CASR: variants seen among roughly 807,000 people sequenced by gnomAD.
The protein encoded by CASR is extracellular calcium-sensing receptor.
Under a neutral mutation model 69.1 loss-of-function variants are expected in CASR, and 23 were observed. That is an observed-to-expected ratio of 0.33 (90% CI 0.24 to 0.47). The LOEUF is 0.47. Among genes scored for constraint, CASR ranks in the 20% least tolerant of loss-of-function variants. The probability of loss-of-function intolerance (pLI) is 1.00; values close to 1 mark genes in which losing one functional copy is unlikely to be tolerated. For missense variants in CASR, 924 were observed against 1,356.1 expected (o/e 0.68, Z 5.00); for synonymous variants, 541 against 544.7 (o/e 0.99, Z 0.10).
intron 1 of CASR, among the ~76,000 whole-genome samples, chr3:122,240,450 T>C (rs1011680639): frequency 6.6e-6 from 1 of 152,250 alleles, no homozygotes; most frequent in African/African-American, 2.4e-5. Context: ...AAGGTCGTTA[T>C]ATAATGATAA....
chr3:122,238,022 T>C (rs1337618821), intron 1 of CASR, among the ~76,000 whole-genome samples: 1 of 152,216 alleles, frequency 6.6e-6, no homozygotes, highest in Non-Finnish European at 1.5e-5. Flanking sequence ...CCTCCACTGA[T>C]GGCTCCCCCC....
chr3:122,256,349 T>G (rs138819887), intron 2 of CASR, among the ~76,000 whole-genome samples: 1 of 152,262 alleles, frequency 6.6e-6, no homozygotes, highest in Non-Finnish European at 1.5e-5. Flanking sequence ...TGTATTTATG[T>G]TTTCCTGGTC....
chr3:122,256,987 A>T, intron 2 of CASR, 94 bp from the exon 3 acceptor site: 1 of 997,084 alleles, frequency 1.0e-6, no homozygotes, highest in Non-Finnish European at 1.6e-6. Flanking sequence ...GAGTAGTAAC[A>T]GTTCGATGAT....
At chr3:122,184,372 G>T (rs868013882) in intron 1 of CASR, 7 of 152,930 alleles carry the variant, frequency 4.6e-5, no homozygotes, top group Middle Eastern at 3.4e-3. Flanking sequence ...GGCGCCGGGA[G>T]CGCAGCGAGC....
At chr3:122,210,121 A>C (rs913464635) in intron 1 of CASR, among the ~76,000 whole-genome samples, 1 of 152,218 alleles carries the variant, frequency 6.6e-6, no homozygotes, top group African/African-American at 2.4e-5. Flanking sequence ...GCAAACCCAC[A>C]GCCAATATCA....
At chr3:122,196,501 GT>G (rs1191057347) in intron 1 of CASR, among the ~76,000 whole-genome samples, 2 of 151,420 alleles carry the variant, frequency 1.3e-5, no homozygotes, top group Non-Finnish European at 2.9e-5. Context: ...TAACTTTTTG[GT>G]TTTGGTTTTT....
At chr3:122,202,447 G>A (rs2073966390) in intron 1 of CASR, among the ~76,000 whole-genome samples, 1 of 151,572 alleles carries the variant, frequency 6.6e-6, no homozygotes, top group Admixed American at 6.6e-5. Context: ...GAGAGGGAGA[G>A]GGAGACCATG....
At chr3:122,224,860 C>T (rs1250380683) in intron 1 of CASR, among the ~76,000 whole-genome samples, 1 of 152,118 alleles carries the variant, frequency 6.6e-6, no homozygotes, top group East Asian at 1.9e-4. Context: ...ACCAATGGAA[C>T]AGGATAGAGA....
At chr3:122,232,099 A>G (rs750304063) in intron 1 of CASR, among the ~76,000 whole-genome samples, 3 of 152,220 alleles carry the variant, frequency 2.0e-5, no homozygotes, top group African/African-American at 7.2e-5. Context: ...CTTTCCTTGC[A>G]ACTGGACTGT....
chr3:122,250,388 T>C (rs2074471598), intron 1 of CASR, among the ~76,000 whole-genome samples: 1 of 152,164 alleles, frequency 6.6e-6, no homozygotes, highest in Non-Finnish European at 1.5e-5. Flanking sequence ...TTGAATGAAC[T>C]AATTAAGTTA....
intron 1 of CASR, among the ~76,000 whole-genome samples, chr3:122,203,681 G>T (rs2073979206): frequency 6.6e-6 from 1 of 152,200 alleles, no homozygotes; most frequent in Admixed American, 6.5e-5. Flanking sequence ...GAAGGCCTAG[G>T]ACTCACTGTG....
rs571926686 is a variant in CASR, at chr3:122,222,120, ATTAT to A, written c.-242-31825_-242-31822del. ...GGAATAGCCTCTAAAAGACAATAGC[ATTAT>A]TTTTTAGTAGATTCTACAAAACAAG... On this transcript the variant is annotated intron_variant, in intron 1 of 6. Coordinates refer to ENST00000639785, the MANE Select transcript of CASR (RefSeq NM_000388.4). Among the ~76,000 whole-genome samples the A allele has an allele frequency of 2.5e-4, 38 of 152,328 alleles. No individual in the cohort carries two copies. The South Asian group carries it at 6.4e-3, about 26-fold the overall frequency.
chr3:122,280,433 A>T (rs1441456323), intron 5 of CASR, among the ~76,000 whole-genome samples: 2 of 152,190 alleles, frequency 1.3e-5, no homozygotes, highest in Non-Finnish European at 2.9e-5. Context: ...TAATGGGGAA[A>T]ATTTAGAAGC....
In CASR at chr3:122,254,473, T is replaced by C. The variant is rs2074533281; in HGVS notation, c.185+99T>C. 11 of 1,209,176 alleles carry C rather than the reference T, an allele frequency of 9.1e-6. No individual in the cohort carries two copies. In the East Asian group the frequency reaches 2.4e-4, roughly 26 times the overall value. The allele number at this position is 1,209,176 out of a possible 1,614,324, so 74.9% of individuals were successfully genotyped here. ...TAATTTTTTCAAACTTTGTCCTATC[T>C]TTTCAAGAATAGTGATTGATTGGTA... On this transcript the variant is annotated intron_variant, in intron 2 of 6. Coordinates refer to ENST00000639785, the MANE Select transcript of CASR (RefSeq NM_000388.4).
rs1576879555 is a variant in CASR at position 122,285,370 on chromosome 3, T to A, written c.*179T>A. The A allele has an allele frequency of 1.7e-6, 1 of 584,168 alleles. No homozygotes were observed. The highest frequency in any genetic ancestry group is 3.0e-6 in the Non-Finnish European group (1 of 333,628). 36.2% of individuals were successfully genotyped at this position (584,168 alleles called of 1,614,324 possible). ...GAATTGACCCATGTTCCCTTTAAAA[T>A]TAAAAAAAAGAAGAGCCTTGTGTTT... is the stretch of plus-strand genomic sequence containing the variant. On this transcript the variant is annotated 3_prime_UTR_variant, in exon 7 of 7. Coordinates refer to ENST00000639785, the MANE Select transcript of CASR (RefSeq NM_000388.4).
intron 1 of CASR, among the ~76,000 whole-genome samples, chr3:122,233,509 C>T (rs76138343): frequency 0.014 from 2,141 of 152,150 alleles, 22 homozygotes; most frequent in Middle Eastern, 0.027. Context: ...TGGGAAGTAG[C>T]GGAGGAGAAA....
At chr3:122,213,185 CCATCA>C (rs2074085437) in intron 1 of CASR, among the ~76,000 whole-genome samples, 1 of 152,176 alleles carries the variant, frequency 6.6e-6, no homozygotes, top group Non-Finnish European at 1.5e-5. Context: ...TGCTTTTACA[CCATCA>C]CATGTATTTC....
At chr3:122,265,247 A>G (rs913308613) in intron 4 of CASR, among the ~76,000 whole-genome samples, 1 of 152,200 alleles carries the variant, frequency 6.6e-6, no homozygotes, top group Non-Finnish European at 1.5e-5. Context: ...ATAGACACTT[A>G]TTAGTTAAAA....
At chr3:122,203,437 C>T (rs540983461) in intron 1 of CASR, among the ~76,000 whole-genome samples, 5 of 152,304 alleles carry the variant, frequency 3.3e-5, no homozygotes, top group African/African-American at 1.2e-4. Flanking sequence ...CCAATTGCTC[C>T]TAGGCTACAA....
Sources: allele counts gnomAD v4.1 joint callset (sites outside exome capture counted in the v4.1 genomes callset), GRCh38; gene constraint gnomAD v4.1.1; transcripts MANE v1.5; gene names NCBI Gene and HGNC (gene_info 2026-07-23, HGNC 2026-07-21).